Variants in FBN2 observed in about 807,000 individuals in gnomAD.
The protein encoded by FBN2 is fibrillin-2.
In FBN2, 105 loss-of-function variants were observed where a neutral mutation model predicts 355.6. That is an observed-to-expected ratio of 0.30 (90% CI 0.25 to 0.35). The LOEUF (loss-of-function observed/expected upper bound fraction) is 0.35. FBN2 is among the 10% of genes least tolerant of loss of function. The pLI, the probability that FBN2 is intolerant of heterozygous loss-of-function variation, is 1.00. For missense variants in FBN2, 3,280 were observed against 3,758.7 expected, an observed-to-expected ratio of 0.87 and a Z score of 3.33; for synonymous variants, 1,350 against 1,301.2, an observed-to-expected ratio of 1.04 and a Z score of -0.81.
At chr5:128,378,325 G>C (rs1216674404) in intron 12 of FBN2, among the ~76,000 whole-genome samples, 1 of 152,136 alleles carries the variant, frequency 6.6e-6, no homozygotes, top group Non-Finnish European at 1.5e-5. Context: ...GCAGTCATCT[G>C]CTAAAAGAAT....
chr5:128,489,285 T>C (rs1444470435), intron 5 of FBN2, among the ~76,000 whole-genome samples: 1 of 152,194 alleles, frequency 6.6e-6, no homozygotes, highest in Non-Finnish European at 1.5e-5. Context: ...ATAATGGCAA[T>C]TAAACTTGTT....
At chr5:128,524,280 A>AAT (rs1756509866) in intron 4 of FBN2, among the ~76,000 whole-genome samples, 1 of 152,120 alleles carries the variant, frequency 6.6e-6, no homozygotes, top group African/African-American at 2.4e-5. Context: ...TCACCTTCTC[A>AAT]GAGACCCCTG....
At chr5:128,416,835 G>A (rs1347516721) in intron 7 of FBN2, among the ~76,000 whole-genome samples, 6 of 152,038 alleles carry the variant, frequency 3.9e-5, no homozygotes, top group Non-Finnish European at 8.8e-5. Context: ...TTAGTGTGAT[G>A]CCTCCATTGA....
At chr5:128,536,568 G>A in intron 1 of FBN2, 84 bp from the exon 2 acceptor site, 2 of 913,448 alleles carry the variant, frequency 2.2e-6, no homozygotes, top group East Asian at 5.1e-5. Context: ...AATGCCCCGA[G>A]CGAGTAGATT....
intron 7 of FBN2, among the ~76,000 whole-genome samples, chr5:128,441,438 T>A (rs185941414): frequency 1.3e-5 from 2 of 152,346 alleles, no homozygotes; most frequent in Admixed American, 1.3e-4. Context: ...CTGGCTCTTC[T>A]GTTTCTCATC....
chr5:128,510,817 T>C (rs142892337), intron 5 of FBN2, among the ~76,000 whole-genome samples: 204 of 152,288 alleles, frequency 1.3e-3, no homozygotes, highest in African/African-American at 4.8e-3. Context: ...CACAATATAG[T>C]TCTAAAGAGT....
intron 5 of FBN2, among the ~76,000 whole-genome samples, chr5:128,482,717 A>G (rs1300411058): frequency 6.6e-6 from 1 of 152,102 alleles, no homozygotes; most frequent in Non-Finnish European, 1.5e-5. Flanking sequence ...AATCTTTTCC[A>G]TGTCACCTGC....
rs35377639 is a variant in FBN2 at position 128,347,972 on chromosome 5, A to AGG, written c.2989+1373_2989+1374dup. 3.7e-4 allele frequency among the ~76,000 whole-genome samples: 56 copies of AGG among 151,114 alleles called. 1 individual carries two copies. Among genetic ancestry groups the AGG allele is most frequent in the Non-Finnish European group, 4.6e-4 (31 of 67,706 alleles). ...TTTTATATTTTTAGTAGAGACGGGG[A>AGG]GGGGGGGGTTCCCCATGTTGCCCAG... On this transcript the variant is annotated intron_variant, in intron 23 of 64. Coordinates refer to ENST00000262464, the MANE Select transcript of FBN2 (RefSeq NM_001999.4).
At chr5:128,350,728 T>C (rs1751330344) in intron 21 of FBN2, 140 bp downstream of exon 21, 1 of 956,806 alleles carries the variant, frequency 1.0e-6, no homozygotes, top group Non-Finnish European at 1.6e-6. Context: ...GTAAAAAACA[T>C]TAGCCAGGAA....
At chr5:128,271,061 T>G (rs1366428297) in intron 62 of FBN2, among the ~76,000 whole-genome samples, 1 of 152,212 alleles carries the variant, frequency 6.6e-6, no homozygotes, top group Non-Finnish European at 1.5e-5. Flanking sequence ...CCACTGAAAT[T>G]TATCTTGATT....
At chr5:128,525,052 A>G (rs573963177) in intron 4 of FBN2, among the ~76,000 whole-genome samples, 56 of 152,256 alleles carry the variant, frequency 3.7e-4, no homozygotes, top group African/African-American at 1.3e-3. Context: ...CACACCCACT[A>G]GAGCGTGTTC....
At chr5:128,532,939 C>A (rs1756745599) in intron 2 of FBN2, among the ~76,000 whole-genome samples, 1 of 152,150 alleles carries the variant, frequency 6.6e-6, no homozygotes, top group Non-Finnish European at 1.5e-5. Flanking sequence ...ACTCAGGAGG[C>A]TGAGGTCAGA....
intron 5 of FBN2, among the ~76,000 whole-genome samples, chr5:128,517,607 A>G (rs1028629361): frequency 3.9e-5 from 6 of 152,182 alleles, no homozygotes; most frequent in African/African-American, 1.4e-4. Flanking sequence ...TGATGTATAT[A>G]TACATCCAAA....
intron 34 of FBN2, among the ~76,000 whole-genome samples, chr5:128,326,259 G>C (rs897492925): frequency 6.6e-6 from 1 of 152,182 alleles, no homozygotes. Context: ...TTTCATTAAA[G>C]CTGTATTCAG....
intron 8 of FBN2, among the ~76,000 whole-genome samples, chr5:128,407,750 T>A (rs1752967268): frequency 6.6e-6 from 1 of 152,176 alleles, no homozygotes; most frequent in Admixed American, 6.5e-5. Context: ...CTAGCTTACA[T>A]CCTTGACTCT....
intron 5 of FBN2, among the ~76,000 whole-genome samples, chr5:128,482,789 T>C (rs745481700): frequency 2.6e-5 from 4 of 152,178 alleles, no homozygotes; most frequent in Non-Finnish European, 4.4e-5. Context: ...CTACTTATTC[T>C]AGTAAAGATT....
chr5:128,269,943 T>C (rs1442835062), intron 62 of FBN2, among the ~76,000 whole-genome samples: 1 of 152,150 alleles, frequency 6.6e-6, no homozygotes, highest in Non-Finnish European at 1.5e-5. Context: ...GTCTTCAAAG[T>C]ATACAACAAG....
chr5:128,523,641 A>C (rs1335648351), intron 4 of FBN2, among the ~76,000 whole-genome samples: 1 of 151,406 alleles, frequency 6.6e-6, no homozygotes, highest in Non-Finnish European at 1.5e-5. Flanking sequence ...CCAAAACAAA[A>C]CTCTTATCCT....
intron 4 of FBN2, among the ~76,000 whole-genome samples, chr5:128,524,617 T>C (rs1467090707): frequency 2.0e-5 from 3 of 152,168 alleles, no homozygotes; most frequent in Admixed American, 6.6e-5. Flanking sequence ...CTTTTCTGGA[T>C]TCATAAATTG....
Sources: allele counts gnomAD v4.1 joint callset (sites outside exome capture counted in the v4.1 genomes callset), GRCh38; gene constraint gnomAD v4.1.1; transcripts MANE v1.5; gene names NCBI Gene and HGNC (gene_info 2026-07-23, HGNC 2026-07-21).